The following ARL13A variants were observed in gnomAD, a reference collection of about 807,000 sequenced individuals.
ARL13A encodes ADP-ribosylation factor-like protein 13A.
In ARL13A, 16 loss-of-function variants were observed where a neutral mutation model predicts 19.1. The observed-to-expected ratio is 0.84, with a 90% CI of 0.57 to 1.27. The LOEUF (loss-of-function observed/expected upper bound fraction) is 1.27, where lower values mean the gene tolerates loss of function less well. Among genes scored for constraint, ARL13A ranks in the 50% most tolerant of loss-of-function variants. The pLI, the probability that ARL13A is intolerant of heterozygous loss-of-function variation, is 0.00. For synonymous variants in ARL13A, 69 were observed against 71.3 expected (o/e 0.97, Z 0.17); for missense variants, 153 against 186.4 (o/e 0.82, Z 1.04).
chrX:100,979,908 CAA>C (rs1477827074), intron 3 of ARL13A, among the ~76,000 whole-genome samples: 1 of 111,679 alleles, frequency 9.0e-6, no homozygotes, highest in Non-Finnish European at 1.9e-5. Context: ...GTTTACCAGG[CAA>C]AGTCTCTTGT....
intron 3 of ARL13A, among the ~76,000 whole-genome samples, chrX:100,977,526 G>A (rs1199052436): frequency 2.7e-5 from 3 of 109,864 alleles, no homozygotes; most frequent in East Asian, 2.9e-4. Context: ...GATTACAGGC[G>A]TGTGCCACCA....
chrX:100,970,194 T>C (rs2085637998), intron 1 of ARL13A, among the ~76,000 whole-genome samples: 1 of 112,681 alleles, frequency 8.9e-6, no homozygotes, highest in Admixed American at 9.3e-5. Flanking sequence ...CAGCTTCATG[T>C]GCAAAACTGG....
chrX:100,989,378 G>A (rs1179002714), intron 7 of ARL13A, among the ~76,000 whole-genome samples: 5 of 110,599 alleles, frequency 4.5e-5, no homozygotes, highest in Non-Finnish European at 9.5e-5. Flanking sequence ...TTGGGAGGCT[G>A]AGGCGGGCGG....
In ARL13A at chrX:100,985,724, A is replaced by G; in HGVS notation, c.188A>G (p.Asp63Gly). The G allele has an allele frequency of 8.3e-7, 1 of 1,211,011 alleles. No homozygotes were observed. The highest frequency in any genetic ancestry group is 1.1e-6 in the Non-Finnish European group (1 of 895,140). The change falls in exon 4 of 8, where the codon GAT becomes GGT. Residue 63 changes from aspartate to glycine, a missense_variant. Transcript: ENST00000450049. Reference protein sequence around the residue: ...MKSELTTLLLDEYELSIYDLN... With the variant: ...MKSELTTLLLGEYELSIYDLN... Reference sequence around the variant, plus strand: ...TCGGAACTGACTACACTTTTGTTAGATGAGTATGAACTTTCCATCTATGAC... The same window carrying G: ...TCGGAACTGACTACACTTTTGTTAGGTGAGTATGAACTTTCCATCTATGAC...
At chrX:100,981,986 T>C (rs1602456679) in intron 3 of ARL13A, among the ~76,000 whole-genome samples, 1 of 110,194 alleles carries the variant, frequency 9.1e-6, no homozygotes, top group African/African-American at 3.3e-5. Flanking sequence ...GTCATTATTA[T>C]TGACCATTCA....
chrX:100,980,167 A>G (rs917210584), intron 3 of ARL13A, among the ~76,000 whole-genome samples: 6 of 111,512 alleles, frequency 5.4e-5, no homozygotes, highest in African/African-American at 2.0e-4. Context: ...CTGCCAGGAC[A>G]GGGTATTTCC....
At chrX:100,978,910 T>A (rs1345134146) in intron 3 of ARL13A, among the ~76,000 whole-genome samples, 1 of 110,376 alleles carries the variant, frequency 9.1e-6, no homozygotes, top group Non-Finnish European at 1.9e-5. Context: ...TATAACCCAT[T>A]TTTTTTTAAT....
At chrX:100,974,819 ACTGT>A (rs1470989377) in intron 3 of ARL13A, among the ~76,000 whole-genome samples, 2 of 112,012 alleles carry the variant, frequency 1.8e-5, no homozygotes, top group African/African-American at 6.5e-5. Flanking sequence ...AGAAGCCAGC[ACTGT>A]CTGTCACAGG....
chrX:100,983,114 G>A (rs191500338), intron 3 of ARL13A, among the ~76,000 whole-genome samples: 14 of 110,574 alleles, frequency 1.3e-4, no homozygotes, highest in Middle Eastern at 4.6e-3. Context: ...ACTCAGTACC[G>A]GTCCTTAGAG....
chrX:100,988,692 C>T, intron 7 of ARL13A: 1 of 393,229 alleles, frequency 2.5e-6, no homozygotes. Flanking sequence ...AAGCACCTTC[C>T]TGTAGGAAGG....
chrX:100,975,314 C>T (rs2085743297), intron 3 of ARL13A, among the ~76,000 whole-genome samples: 1 of 111,239 alleles, frequency 9.0e-6, no homozygotes, highest in African/African-American at 3.3e-5. Flanking sequence ...TCATTATCTA[C>T]CTGCTAAATC....
At chrX:100,978,337 ATC>A (rs1359457666) in intron 3 of ARL13A, among the ~76,000 whole-genome samples, 1 of 111,008 alleles carries the variant, frequency 9.0e-6, no homozygotes, top group African/African-American at 3.3e-5. Context: ...ATTGGGGTCT[ATC>A]TCTCTCTCTT....
intron 7 of ARL13A, chrX:100,990,319 C>A (rs935165473): frequency 7.3e-5 from 65 of 896,038 alleles, no homozygotes; most frequent in Admixed American, 1.3e-4. Flanking sequence ...ACCTTTTTCT[C>A]TTTTTACTTT....
chrX:100,971,117 T>G (rs1435850717), intron 1 of ARL13A, among the ~76,000 whole-genome samples: 2 of 106,124 alleles, frequency 1.9e-5, no homozygotes, highest in African/African-American at 6.9e-5. Context: ...CCTTTTTACT[T>G]AGGCATTCAC....
chrX:100,977,654 T>A (rs768177927), intron 3 of ARL13A, among the ~76,000 whole-genome samples: 3 of 111,839 alleles, frequency 2.7e-5, no homozygotes, highest in Non-Finnish European at 5.6e-5. Flanking sequence ...GTGCTGGGAT[T>A]ATAGGCATGT....
chrX:100,986,406 T>C (rs1361242731), intron 4 of ARL13A, among the ~76,000 whole-genome samples: 1 of 111,592 alleles, frequency 9.0e-6, no homozygotes, highest in South Asian at 3.8e-4. Flanking sequence ...CCCGCCCCCA[T>C]CTCCCTTTAT....
intron 3 of ARL13A, among the ~76,000 whole-genome samples, chrX:100,977,204 A>T (rs1344127406): frequency 9.1e-6 from 1 of 110,246 alleles, no homozygotes; most frequent in Non-Finnish European, 1.9e-5. Context: ...GTACTCCCTC[A>T]CTTACTCTAA....
At chrX:100,990,220 C>A in intron 7 of ARL13A, 1 of 417,824 alleles carries the variant, frequency 2.4e-6, no homozygotes, top group Non-Finnish European at 3.1e-6. Context: ...GCAGTCTATA[C>A]CCTGTTGGAA....
At chrX:100,973,829 T>C in intron 2 of ARL13A, 81 bp downstream of exon 2, 1 of 987,685 alleles carries the variant, frequency 1.0e-6, no homozygotes, top group Non-Finnish European at 1.4e-6. Flanking sequence ...GGGACAAATC[T>C]TCATAATATA....
Sources: allele counts gnomAD v4.1 joint callset (sites outside exome capture counted in the v4.1 genomes callset), GRCh38; gene constraint gnomAD v4.1.1; transcripts MANE v1.5; gene names NCBI Gene and HGNC (gene_info 2026-07-23, HGNC 2026-07-21).